Variants in CRYBG1 observed in about 807,000 individuals in gnomAD.
CRYBG1 encodes the protein crystallin beta-gamma domain containing 1.
In CRYBG1, 139 loss-of-function variants were observed where a neutral mutation model predicts 189.2. That is an observed-to-expected ratio of 0.73 (90% CI 0.64 to 0.85). CRYBG1 has a LOEUF of 0.85. Ranked by LOEUF, CRYBG1 falls within the 40% of genes least tolerant of loss-of-function variation. The pLI, the probability that CRYBG1 is intolerant of heterozygous loss-of-function variation, is 0.00. For synonymous variants in CRYBG1, 1,023 were observed against 1,017.1 expected (o/e 1.01, Z -0.11); for missense variants, 2,611 against 2,675.8 (o/e 0.98, Z 0.53).
At chr6:106,548,460 A>G (rs1156995965) in intron 13 of CRYBG1, among the ~76,000 whole-genome samples, 2 of 152,234 alleles carry the variant, frequency 1.3e-5, no homozygotes, top group African/African-American at 4.8e-5. Context: ...TTAGTTTCAT[A>G]GGAAAATACA....
intron 1 of CRYBG1, among the ~76,000 whole-genome samples, chr6:106,369,071 A>T (rs2114296300): frequency 6.6e-6 from 1 of 152,290 alleles, no homozygotes; most frequent in Admixed American, 6.5e-5. Context: ...TTGTCATTTA[A>T]ATGTGTTCAG....
At chr6:106,417,722 G>A (rs1771051230) in intron 1 of CRYBG1, among the ~76,000 whole-genome samples, 2 of 152,270 alleles carry the variant, frequency 1.3e-5, no homozygotes, top group East Asian at 1.9e-4. Flanking sequence ...GAATGTGAGA[G>A]AGCGAGTGCA....
intron 8 of CRYBG1, among the ~76,000 whole-genome samples, chr6:106,537,047 T>C (rs556332643): frequency 1.3e-5 from 2 of 152,344 alleles, no homozygotes; most frequent in African/African-American, 4.8e-5. Context: ...AGAACAGCAG[T>C]CTTTTCAAAT....
In CRYBG1 at chr6:106,520,871, CAA is replaced by C. The variant is rs1338697313; in HGVS notation, c.3665_3666del (p.Lys1222ArgfsTer11). On this transcript the variant is annotated frameshift_variant, in exon 4 of 22. Transcript: ENST00000633556. LOFTEE classifies it high-confidence loss of function. ...EPLVMPEIND[K>X]ENRDVTNGGI... Reference sequence around the variant, plus strand: ...CTCTGGTGATGCCGGAAATCAATGACAAAGAGAACAGGGACGTCACAAATGGT... The same window carrying C: ...CTCTGGTGATGCCGGAAATCAATGACAGAGAACAGGGACGTCACAAATGGT... The C allele has an allele frequency of 5.0e-6, 8 of 1,614,016 alleles. No individual in the cohort carries two copies. Among genetic ancestry groups the C allele is most frequent in the Non-Finnish European group, 5.9e-6 (7 of 1,180,026 alleles).
At chr6:106,391,917 G>A (rs1770511744) in intron 1 of CRYBG1, among the ~76,000 whole-genome samples, 2 of 150,530 alleles carry the variant, frequency 1.3e-5, no homozygotes, top group South Asian at 4.2e-4. Context: ...CCAAAAGCCT[G>A]TTGTTTAAAA....
Position 106,465,069 on chromosome 6 carries a change from G to T in CRYBG1, c.312+13237G>T, listed in dbSNP as rs115189937. On this transcript the variant is annotated intron_variant, in intron 2 of 21. Coordinates refer to ENST00000633556, the MANE Select transcript of CRYBG1 (RefSeq NM_001371242.2). ...TCTGATTAAATATTATCTTATTTGC[G>T]AAGTTCCCCTAATTCCCAGCTGGCA... Among the ~76,000 whole-genome samples, 12 of 152,092 alleles carry T rather than the reference G, an allele frequency of 7.9e-5. No individual in the cohort carries two copies. In the South Asian group the frequency reaches 2.3e-3, roughly 29 times the overall value.
intron 20 of CRYBG1, 127 bp from the exon 21 acceptor site, chr6:106,563,637 C>A: frequency 1.1e-6 from 1 of 896,222 alleles, no homozygotes; most frequent in South Asian, 2.0e-5. Context: ...AGCTGAACTG[C>A]CTCATGTGGG....
intron 6 of CRYBG1, among the ~76,000 whole-genome samples, chr6:106,526,935 T>C: frequency 9.4e-6 from 1 of 105,990 alleles, no homozygotes; most frequent in Non-Finnish European, 1.9e-5. Context: ...AGCAAGACTC[T>C]GTATCCAAAA....
intron 1 of CRYBG1, among the ~76,000 whole-genome samples, chr6:106,446,463 A>G (rs532800827): frequency 6.6e-6 from 1 of 152,344 alleles, no homozygotes; most frequent in African/African-American, 2.4e-5. Context: ...AATTCTTTGG[A>G]TAGACAATAG....
intron 2 of CRYBG1, among the ~76,000 whole-genome samples, chr6:106,504,665 A>G (rs2353051): frequency 4.7e-5 from 1 of 21,420 alleles, no homozygotes; most frequent in African/African-American, 1.2e-4. Context: ...GTGTGTGTAT[A>G]TGTGTGTGTG....
At chr6:106,391,082 T>C (rs1770490882) in intron 1 of CRYBG1, among the ~76,000 whole-genome samples, 1 of 152,190 alleles carries the variant, frequency 6.6e-6, no homozygotes, top group African/African-American at 2.4e-5. Context: ...TCTTTCTTTT[T>C]TTTGAGATGG....
chr6:106,451,612 T>C (rs1290765677), intron 1 of CRYBG1, 82 bp from the exon 2 acceptor site: 2 of 1,265,804 alleles, frequency 1.6e-6, no homozygotes, highest in African/African-American at 1.5e-5. Flanking sequence ...TATTAATACA[T>C]GGAGAAATAT....
At position 106,519,968 on chromosome 6, in the gene CRYBG1, T is replaced by C. The variant is rs551716379; in HGVS notation, c.2760T>C (p.Asn920=). The C allele has an allele frequency of 8.1e-6, 13 of 1,613,066 alleles. No individual in the cohort carries two copies. The highest frequency in any genetic ancestry group is 4.0e-5 in the African/African-American group (3 of 74,974). The change falls in exon 4 of 22, where the codon AAT becomes AAC. Residue 920 remains asparagine, a synonymous_variant. Transcript: ENST00000633556. ...GCVLPVSRQN[N]EKMPLLELGG... is the part of the protein sequence containing the mutation. ...TTTTGCCTGTGTCTCGTCAGAACAA[T>C]GAGAAAATGCCACTTTTAGAACTTG...
At chr6:106,368,730 C>A (rs1054381252) in intron 1 of CRYBG1, among the ~76,000 whole-genome samples, 2 of 152,070 alleles carry the variant, frequency 1.3e-5, no homozygotes, top group African/African-American at 4.8e-5. Flanking sequence ...GGAAGAGAAG[C>A]AATGACCCCT....
chr6:106,442,680 A>G (rs1299707180), intron 1 of CRYBG1, among the ~76,000 whole-genome samples: 1 of 152,184 alleles, frequency 6.6e-6, no homozygotes, highest in Admixed American at 6.6e-5. Flanking sequence ...AGCGCTTTGT[A>G]TTCACTCAGC....
intron 8 of CRYBG1, among the ~76,000 whole-genome samples, chr6:106,532,568 T>A (rs1373777843): frequency 6.6e-6 from 1 of 152,220 alleles, no homozygotes; most frequent in Admixed American, 6.5e-5. Context: ...CACCAATACT[T>A]GTTATATTGT....
intron 2 of CRYBG1, among the ~76,000 whole-genome samples, chr6:106,485,979 C>A (rs1772585172): frequency 6.6e-6 from 1 of 152,086 alleles, no homozygotes; most frequent in South Asian, 2.1e-4. Context: ...ATGCTGCCTT[C>A]ATTTCCTTTC....
rs181818561 is a variant in CRYBG1, at chr6:106,397,308, A to C, written c.173+36227A>C. Among the ~76,000 whole-genome samples the C allele has an allele frequency of 1.1e-4, 16 of 152,328 alleles. 1 individual carries two copies. The East Asian group carries it at 3.1e-3, about 29-fold the overall frequency. On this transcript the variant is annotated intron_variant, in intron 1 of 21. Coordinates refer to ENST00000633556, the MANE Select transcript of CRYBG1 (RefSeq NM_001371242.2). Reference sequence around the variant, plus strand: ...CTGTCTTAGCAAACTTCAAGTATGCAGTATAGTATTGTTAATTATAGTCAC... The same window carrying C: ...CTGTCTTAGCAAACTTCAAGTATGCCGTATAGTATTGTTAATTATAGTCAC...
intron 2 of CRYBG1, among the ~76,000 whole-genome samples, chr6:106,489,147 A>G (rs756481072): frequency 1.3e-5 from 2 of 152,190 alleles, no homozygotes; most frequent in Non-Finnish European, 2.9e-5. Flanking sequence ...GCAAGGAGAC[A>G]GTGTGGCAGA....
Sources: gnomAD v4.1 joint callset for allele counts (sites outside exome capture counted in the v4.1 genomes callset) on GRCh38, gnomAD v4.1.1 for gene constraint, MANE v1.5 for transcripts, NCBI Gene and HGNC (gene_info 2026-07-23, HGNC 2026-07-21) for gene names.